ATP6V0D2: variants seen among roughly 807,000 people sequenced by gnomAD.
ATP6V0D2 encodes V-type proton ATPase subunit d 2.
A neutral mutation model predicts 40.0 loss-of-function variants in ATP6V0D2; 40 were observed. The ratio of observed to expected loss-of-function variants is 1.00; its 90% CI spans 0.78 to 1.30. The LOEUF is 1.30. Among genes scored for constraint, ATP6V0D2 ranks in the 50% most tolerant of loss-of-function variants. The pLI is 0.00. For synonymous variants in ATP6V0D2, 179 were observed against 156.3 expected (o/e 1.15, Z -1.08); for missense variants, 470 against 423.1 (o/e 1.11, Z -0.97).
chr8:86,130,831 G>A (rs1471717926), intron 2 of ATP6V0D2, among the ~76,000 whole-genome samples: 2 of 152,044 alleles, frequency 1.3e-5, no homozygotes, highest in Non-Finnish European at 2.9e-5. Context: ...AAGCCTCGGA[G>A]CATGTCTGCT....
At chr8:86,133,075 G>A (rs1328926291) in intron 2 of ATP6V0D2, among the ~76,000 whole-genome samples, 1 of 152,100 alleles carries the variant, frequency 6.6e-6, no homozygotes, top group Non-Finnish European at 1.5e-5. Flanking sequence ...CGTCTTGGAG[G>A]ACACTAATGA....
chr8:86,135,691 G>A (rs149180176), intron 2 of ATP6V0D2, among the ~76,000 whole-genome samples: 1 of 152,116 alleles, frequency 6.6e-6, no homozygotes, highest in East Asian at 1.9e-4. Context: ...ACAGTTTTAG[G>A]TGACTATGAT....
chr8:86,107,123 C>G (rs1222902106), intron 1 of ATP6V0D2, among the ~76,000 whole-genome samples: 2 of 151,982 alleles, frequency 1.3e-5, no homozygotes, highest in African/African-American at 4.8e-5. Flanking sequence ...AATTCAGAAT[C>G]CAAAAATGGT....
rs1254187842 is a variant in ATP6V0D2, at chr8:86,099,112, A to G, written c.130+4A>G. On this transcript the variant is annotated splice_donor_region_variant and intron_variant, in intron 1 of 7. Transcript: ENST00000285393. The stretch of plus-strand genomic sequence containing the variant: ...GTCCAGTGTGAGACCCTAGAAGGTA[A>G]GTGTAGCTCTTCTCACCCTTTAAAA... 9.4e-6 allele frequency: 15 copies of G among 1,603,412 alleles called. No homozygotes were observed. The Admixed American group carries it at 2.6e-4, about 28-fold the overall frequency.
intron 1 of ATP6V0D2, among the ~76,000 whole-genome samples, chr8:86,112,780 A>C (rs1254221129): frequency 1.3e-5 from 2 of 152,138 alleles, no homozygotes; most frequent in Non-Finnish European, 2.9e-5. Flanking sequence ...AGTTCAATCC[A>C]ATTACCTGGC....
rs757847208 is a variant in ATP6V0D2, at chr8:86,105,621, C to CT, written c.130+6528dup. 8.3e-3 allele frequency among the ~76,000 whole-genome samples: 1,111 copies of CT among 133,260 alleles called. 21 individuals are homozygous for CT. Among genetic ancestry groups the CT allele is most frequent in the South Asian group, 0.023 (99 of 4,236 alleles). The allele number at this position is 133,260 out of a possible 152,430, so 87.4% of individuals were successfully genotyped here. ...AGCCTGTAAACTTCTTTTTTCTTTT[C>CT]TTTTTTTTTTTTTTTGAGATGGATT... is the stretch of plus-strand genomic sequence containing the variant. On this transcript the variant is annotated intron_variant, in intron 1 of 7. Coordinates refer to ENST00000285393, the MANE Select transcript of ATP6V0D2 (RefSeq NM_152565.1).
intron 1 of ATP6V0D2, among the ~76,000 whole-genome samples, chr8:86,111,163 C>A (rs1223728213): frequency 1.3e-5 from 2 of 150,628 alleles, no homozygotes; most frequent in East Asian, 2.0e-4. Flanking sequence ...CCCACTAAGT[C>A]GTTTTTTTCT....
chr8:86,153,103 T>G lies in ATP6V0D2; in HGVS notation c.*126T>G, dbSNP rs1293059332. ...TAAGCCACACTATATCTTCATGAGT[T>G]GCAAATCCATGGAAACACAGTAAAC... On this transcript the variant is annotated 3_prime_UTR_variant, in exon 8 of 8. Coordinates refer to ENST00000285393, the MANE Select transcript of ATP6V0D2 (RefSeq NM_152565.1). 4.0e-6 allele frequency: 3 copies of G among 748,504 alleles called. No homozygotes were observed. The highest frequency in any genetic ancestry group is 6.2e-5 in the East Asian group (2 of 32,038). 46.4% of individuals were successfully genotyped at this position (748,504 alleles called of 1,614,324 possible).
chr8:86,114,099 G>A (rs1250396189), intron 2 of ATP6V0D2, among the ~76,000 whole-genome samples: 3 of 151,674 alleles, frequency 2.0e-5, no homozygotes, highest in Non-Finnish European at 4.4e-5. Context: ...TATATCAGCG[G>A]TGGTGGCCTC....
At chr8:86,106,609 T>C (rs1243459939) in intron 1 of ATP6V0D2, among the ~76,000 whole-genome samples, 1 of 152,206 alleles carries the variant, frequency 6.6e-6, no homozygotes, top group East Asian at 1.9e-4. Flanking sequence ...ATTCCTGAAA[T>C]AGTTCTTTCC....
At chr8:86,140,569 C>A (rs971550382) in intron 3 of ATP6V0D2, among the ~76,000 whole-genome samples, 1 of 152,132 alleles carries the variant, frequency 6.6e-6, no homozygotes, top group South Asian at 2.1e-4. Context: ...CAATGCTTGG[C>A]ACATACTAAA....
At chr8:86,117,267 C>T (rs373931564) in intron 2 of ATP6V0D2, among the ~76,000 whole-genome samples, 2 of 152,166 alleles carry the variant, frequency 1.3e-5, no homozygotes. Flanking sequence ...GAAAGGCCTT[C>T]ACTCCAAATT....
intron 5 of ATP6V0D2, among the ~76,000 whole-genome samples, 164 bp downstream of exon 5, chr8:86,143,118 G>A (rs1474079599): frequency 1.3e-5 from 2 of 151,976 alleles, no homozygotes; most frequent in East Asian, 3.9e-4. Flanking sequence ...TTGATTAAGA[G>A]TTGTATTTTC....
At chr8:86,102,852 T>C (rs187072487) in intron 1 of ATP6V0D2, among the ~76,000 whole-genome samples, 2 of 152,316 alleles carry the variant, frequency 1.3e-5, no homozygotes, top group African/African-American at 4.8e-5. Context: ...TTTAAAGTTG[T>C]ATCTATAAAG....
intron 2 of ATP6V0D2, among the ~76,000 whole-genome samples, chr8:86,132,594 T>C (rs1056432523): frequency 6.6e-6 from 1 of 152,178 alleles, no homozygotes; most frequent in Non-Finnish European, 1.5e-5. Flanking sequence ...TGGCTTTCTG[T>C]GCCTGGTTTA....
chr8:86,126,716 G>A (rs1033133111), intron 2 of ATP6V0D2, among the ~76,000 whole-genome samples: 2 of 151,926 alleles, frequency 1.3e-5, no homozygotes, highest in African/African-American at 4.8e-5. Flanking sequence ...CAATTGAAAA[G>A]CTTCATGAAA....
chr8:86,147,007 TG>T (rs940555147), intron 5 of ATP6V0D2, among the ~76,000 whole-genome samples: 1 of 38,604 alleles, frequency 2.6e-5, no homozygotes, highest in Admixed American at 1.8e-4. Flanking sequence ...TAACTTCATA[TG>T]AAAAAAAAAG....
chr8:86,135,373 T>A (rs906949970), intron 2 of ATP6V0D2, among the ~76,000 whole-genome samples: 1 of 152,338 alleles, frequency 6.6e-6, no homozygotes, highest in African/African-American at 2.4e-5. Context: ...AGAATAGCTC[T>A]AAGATCAAAT....
At chr8:86,140,224 T>C (rs1004752188) in intron 3 of ATP6V0D2, among the ~76,000 whole-genome samples, 1 of 152,168 alleles carries the variant, frequency 6.6e-6, no homozygotes, top group African/African-American at 2.4e-5. Context: ...AAGAGATAAT[T>C]GTATAAGCAT....
Sources: allele counts gnomAD v4.1 joint callset (sites outside exome capture counted in the v4.1 genomes callset), GRCh38; gene constraint gnomAD v4.1.1; transcripts MANE v1.5; gene names NCBI Gene and HGNC (gene_info 2026-07-23, HGNC 2026-07-21).